TROAP: variants seen among roughly 807,000 people sequenced by gnomAD.
TROAP encodes trophinin associated protein.
Under a neutral mutation model 83.4 loss-of-function variants are expected in TROAP, and 62 were observed. The ratio of observed to expected loss-of-function variants is 0.74; its 90% CI spans 0.61 to 0.92. The LOEUF (loss-of-function observed/expected upper bound fraction) is 0.92. Ranked by LOEUF, TROAP falls within the 40% of genes least tolerant of loss-of-function variation. TROAP has a pLI of 0.00. For missense variants in TROAP, 876 were observed against 985.1 expected, an observed-to-expected ratio of 0.89 and a Z score of 1.48; for synonymous variants, 352 against 386.4, an observed-to-expected ratio of 0.91 and a Z score of 1.04.
rs755114690 is a variant in TROAP at position 49,323,862 on chromosome 12, A to G, written c.162A>G (p.Pro54=). Reference sequence around the variant, plus strand: ...TCCCCTAGAGATGGGTGCAGAAACCACCGCTCAATATTCAACGCCCCCTCG... The same window carrying G: ...TCCCCTAGAGATGGGTGCAGAAACCGCCGCTCAATATTCAACGCCCCCTCG... ...NQDPRRWVQK[P]PLNIQRPLVD... The change falls in exon 3 of 15, where the codon CCA becomes CCG. Residue 54 remains proline (P), a synonymous_variant. Coordinates refer to ENST00000257909, the MANE Select transcript of TROAP (RefSeq NM_005480.4). 1.9e-6 allele frequency: 3 copies of G among 1,613,958 alleles called. No homozygotes were observed. The highest frequency in any genetic ancestry group is 2.5e-6 in the Non-Finnish European group (3 of 1,180,024).
chr12:49,325,977 G>A, intron 5 of TROAP, 93 bp downstream of exon 5: 2 of 1,605,916 alleles, frequency 1.2e-6, no homozygotes, highest in South Asian at 2.2e-5. Context: ...CTCATGATGA[G>A]GCAAGGGATC....
Position 49,329,783 on chromosome 12 carries a change from T to G in TROAP, c.1165-74T>G. ...GTTAGGGGCTTCAATCCATTCCTCA[T>G]GAGGGTGGGACTCAGGCTGGTCTTT... On this transcript the variant is annotated intron_variant, in intron 11 of 14. Coordinates refer to ENST00000257909, the MANE Select transcript of TROAP (RefSeq NM_005480.4). The surrounding 1 kb of genome is among the most constrained non-coding windows in gnomAD (Gnocchi z 4.5). The G allele has an allele frequency of 1.3e-6, 2 of 1,569,720 alleles. No individual in the cohort carries two copies. Among genetic ancestry groups the G allele is most frequent in the Admixed American group, 1.8e-5 (1 of 55,544 alleles).
At chr12:49,326,748 C>T (rs1416969929) in intron 7 of TROAP, 28 bp downstream of exon 7, 6 of 1,556,152 alleles carry the variant, frequency 3.9e-6, no homozygotes, top group Non-Finnish European at 5.2e-6. Flanking sequence ...GGGGAGAGAA[C>T]AGGGGCAGTT....
rs1943538909 is a variant in TROAP, at chr12:49,328,907, C to T, written c.892-20C>T. On this transcript the variant is annotated intron_variant, in intron 8 of 14. Transcript: ENST00000257909. ...ACAAAGGGGGCGGGGATCACTCTTC[C>T]ACCTTTTTCTTCTTCACAGGACAGC... The T allele has an allele frequency of 1.3e-6, 2 of 1,521,004 alleles. No homozygotes were observed. Among genetic ancestry groups the T allele is most frequent in the African/African-American group, 1.4e-5 (1 of 71,822 alleles). The allele number at this position is 1,521,004 out of a possible 1,614,324, so 94.2% of individuals were successfully genotyped here.
rs766810497 is a variant in TROAP at position 49,325,763 on chromosome 12, C to T, written c.512C>T (p.Ala171Val). ...TQRVQGVRAS[A>V]YLAPRTPTHR... ...GTGTCCCAGGGTGTTCGGGCCTCTG[C>T]ATATTTGGCCCCCAGAACCCCCACC... Residue 171 changes from alanine to valine, a missense_variant, in exon 5 of 15, where the codon GCA becomes GTA. By Grantham distance (64) the Ala-to-Val change is moderately conservative. Coordinates refer to ENST00000257909, the MANE Select transcript of TROAP (RefSeq NM_005480.4). 6.2e-7 allele frequency: 1 copy of T among 1,613,846 alleles called. No homozygotes were observed. The highest frequency in any genetic ancestry group is 1.1e-5 in the South Asian group (1 of 91,030).
In TROAP at chr12:49,330,062, T is replaced by TG. The variant is rs528733187; in HGVS notation, c.1299+76dup. On this transcript the variant is annotated intron_variant, in intron 12 of 14. Transcript: ENST00000257909. Reference sequence around the variant, plus strand: ...TGGGCTGAGGAAGAGGGAAAAGAGATGGGGGATCAGGAATAGGACAGTGTG... The same window carrying TG: ...TGGGCTGAGGAAGAGGGAAAAGAGATGGGGGGATCAGGAATAGGACAGTGTG... The TG allele has an allele frequency of 6.5e-4, 1,045 of 1,606,444 alleles. 1 individual carries two copies. The highest frequency in any genetic ancestry group is 8.0e-4 in the Non-Finnish European group (936 of 1,175,394).
intron 3 of TROAP, 117 bp from the exon 4 acceptor site, chr12:49,325,383 AT>A (rs1245679769): frequency 4.6e-4 from 496 of 1,080,582 alleles, no homozygotes; most frequent in African/African-American, 5.5e-4. Context: ...AAAAAAAAAA[AT>A]AAGCCAAATT....
Position 49,329,426 on chromosome 12 carries a change from C to T in TROAP, c.1136C>T (p.Ser379Phe). 6.2e-7 allele frequency: 1 copy of T among 1,612,188 alleles called. No individual in the cohort carries two copies. The highest frequency in any genetic ancestry group is 8.5e-7 in the Non-Finnish European group (1 of 1,178,874). ...AQWLRGVSPQSCSEDPALPWE... is the reference protein window; with the variant it reads ...AQWLRGVSPQFCSEDPALPWE... ...TGGCTGCGTGGTGTCTCCCCTCAGT[C>T]CTGCTCTGAAGATCCTGCCCTGCCC... Residue 379 changes from serine (S) to phenylalanine (F), a missense_variant, in exon 11 of 15, where the codon TCC becomes TTC. Around this residue, in one of 3 missense-constraint regions of TROAP, gnomAD observed 689 missense variants for 722.6 expected, o/e 0.95. Transcript: ENST00000257909. This position sits in a 1 kb window ranked among gnomAD's most constrained non-coding sequence, Gnocchi z 4.5.
intron 3 of TROAP, chr12:49,324,528 G>A (rs1943464131): frequency 4.7e-6 from 1 of 211,936 alleles, no homozygotes; most frequent in Admixed American, 5.5e-5. Context: ...TGAGGATAGG[G>A]GCTTTGTCTT....
At position 49,329,198 on chromosome 12, in the gene TROAP, C is replaced by G. The variant is rs764723307; in HGVS notation, c.1058C>G (p.Pro353Arg). Reference sequence around the variant, plus strand: ...GTGTTGCGGCGTCTCACCGTTCAACCTAAAACCCGGTTCACACCCATGCCA... The same window carrying G: ...GTGTTGCGGCGTCTCACCGTTCAACGTAAAACCCGGTTCACACCCATGCCA... ...YSVLRRLTVQ[P>R]KTRFTPMPST... is the part of the protein sequence containing the mutation. Residue 353 changes from proline (P) to arginine (R), a missense_variant, in exon 10 of 15, where the codon CCT (proline) becomes CGT (arginine). Physicochemically the swap from Pro to Arg is moderately radical, Grantham distance 103. Around this residue, in one of 3 missense-constraint regions of TROAP, gnomAD observed 689 missense variants for 722.6 expected, o/e 0.95. Transcript: ENST00000257909. The surrounding 1 kb of genome is among the most constrained non-coding windows in gnomAD (Gnocchi z 4.5). 30 of 1,614,056 alleles carry G rather than the reference C, an allele frequency of 1.9e-5. No individual in the cohort carries two copies. The highest frequency in any genetic ancestry group is 2.5e-5 in the Non-Finnish European group (29 of 1,180,048).
rs759659605 is a variant in TROAP, at chr12:49,330,353, C to A, written c.1508C>A (p.Pro503His). Reference protein sequence around the residue: ...GLLKHSGLPKPCLPEECGEPQ... With the variant: ...GLLKHSGLPKHCLPEECGEPQ... Reference sequence around the variant, plus strand: ...TTAAAACACTCAGGGCTGCCAAAGCCCTGTCTTCCAGAGGAGTGCGGGGAA... The same window carrying A: ...TTAAAACACTCAGGGCTGCCAAAGCACTGTCTTCCAGAGGAGTGCGGGGAA... Residue 503 changes from proline to histidine, a missense_variant, in exon 13 of 15, where the codon CCC (proline) becomes CAC (histidine). This residue lies in a region of TROAP where 689 missense variants were observed against 722.6 expected (regional missense o/e 0.95). Transcript: ENST00000257909. 3 of 1,614,162 alleles carry A rather than the reference C, an allele frequency of 1.9e-6. No individual in the cohort carries two copies. In the Admixed American group the frequency reaches 5.0e-5, roughly 27 times the overall value.
Position 49,330,782 on chromosome 12 carries a change from C to T in TROAP, c.1937C>T (p.Pro646Leu). The change falls in exon 13 of 15, where the codon CCC (proline) becomes CTC (leucine). Residue 646 changes from proline to leucine, a missense_variant. This residue lies in a region of TROAP where 184 missense variants were observed against 238.3 expected (regional missense o/e 0.77). Transcript: ENST00000257909. ...AGGGTAGAGCTGGGGGCATCAGAGC[C>T]CTGCACCCTGGAACATAGAAGTCTA... The part of the protein sequence containing the change: ...CPRVELGASE[P>L]CTLEHRSLES... The T allele has an allele frequency of 6.2e-7, 1 of 1,614,058 alleles. No individual in the cohort carries two copies. Among genetic ancestry groups the T allele is most frequent in the Non-Finnish European group, 8.5e-7 (1 of 1,179,988 alleles).
chr12:49,330,247 C>T lies in TROAP; in HGVS notation c.1402C>T (p.Leu468Phe), dbSNP rs746461830. Reference protein sequence around the residue: ...NGGSSLDMVELQPLLTEISRT... With the variant: ...NGGSSLDMVEFQPLLTEISRT... ...AGGCTCTTCTCTGGATATGGTTGAA[C>T]TTCAGCCCCTGCTGACTGAGATTTC... The change falls in exon 13 of 15, where the codon CTT (leucine) becomes TTT (phenylalanine). Residue 468 changes from leucine (L) to phenylalanine (F), a missense_variant. This residue lies in a region of TROAP where 689 missense variants were observed against 722.6 expected (regional missense o/e 0.95). Coordinates refer to ENST00000257909, the MANE Select transcript of TROAP (RefSeq NM_005480.4). 6.2e-7 allele frequency: 1 copy of T among 1,614,152 alleles called. No individual in the cohort carries two copies. The highest frequency in any genetic ancestry group is 8.5e-7 in the Non-Finnish European group (1 of 1,180,010).
At position 49,323,837 on chromosome 12, in the gene TROAP, T is replaced by A. The variant is rs1943445061; in HGVS notation, c.145-8T>A. 6.2e-7 allele frequency: 1 copy of A among 1,613,720 alleles called. No homozygotes were observed. The highest frequency in any genetic ancestry group is 1.1e-5 in the South Asian group (1 of 91,086). ...ACCTCACCTTTTTGTCCCCGCTCCCTCCCCTAGAGATGGGTGCAGAAACCA... is the reference window on the plus strand; with the variant it reads ...ACCTCACCTTTTTGTCCCCGCTCCCACCCCTAGAGATGGGTGCAGAAACCA... On this transcript the variant is annotated splice_polypyrimidine_tract_variant and splice_region_variant and intron_variant, in intron 2 of 14. Transcript: ENST00000257909.
At chr12:49,327,122 ATATAC>A (rs1943511910) in intron 7 of TROAP, 82 bp from the exon 8 acceptor site, 20 of 1,558,574 alleles carry the variant, frequency 1.3e-5, no homozygotes, top group Non-Finnish European at 1.5e-5. Flanking sequence ...TATTAAACTA[ATATAC>A]CCTCTTCAGA....
At chr12:49,323,419 G>A (rs751062621) in intron 1 of TROAP, 70 bp downstream of exon 1, 22 of 736,124 alleles carry the variant, frequency 3.0e-5, no homozygotes, top group Non-Finnish European at 4.3e-5. Context: ...TTTGGGGCCC[G>A]AGGGCGAAAG....
At chr12:49,326,054 A>G (rs1224083138) in intron 5 of TROAP, 22 bp from the exon 6 acceptor site, 2 of 1,613,010 alleles carry the variant, frequency 1.2e-6, no homozygotes, top group South Asian at 2.2e-5. Context: ...TTCCGTTTTC[A>G]TCTCTTGCTC....
At chr12:49,324,829 C>T (rs1943470317) in intron 3 of TROAP, among the ~76,000 whole-genome samples, 1 of 150,840 alleles carries the variant, frequency 6.6e-6, no homozygotes, top group South Asian at 2.1e-4. Flanking sequence ...CTCCCAGGTT[C>T]AAGCGATTCT....
At chr12:49,327,446 A>C in intron 8 of TROAP, 116 bp downstream of exon 8, 1 of 1,448,276 alleles carries the variant, frequency 6.9e-7, no homozygotes, top group Non-Finnish European at 9.4e-7. Context: ...CCTGGGCCTC[A>C]GGATGTTACT....
Sources: allele counts gnomAD v4.1 joint callset (sites outside exome capture counted in the v4.1 genomes callset), GRCh38; gene constraint gnomAD v4.1.1; regional missense constraint gnomAD v4.1.1; non-coding constraint Gnocchi (gnomAD v3.1); transcripts MANE v1.5; gene names NCBI Gene and HGNC (gene_info 2026-07-23, HGNC 2026-07-21).